The following GRM8 variants were observed in gnomAD, a reference collection of about 807,000 sequenced individuals.
GRM8 encodes metabotropic glutamate receptor 8.
In GRM8, 47 loss-of-function variants were observed where a neutral mutation model predicts 87.2. That is an observed-to-expected ratio of 0.54 (90% CI 0.43 to 0.69). The LOEUF (loss-of-function observed/expected upper bound fraction) is 0.69. Among genes scored for constraint, GRM8 ranks in the 30% least tolerant of loss-of-function variants. The pLI is 0.00. For synonymous variants in GRM8, 396 were observed against 404.5 expected (o/e 0.98, Z 0.25); for missense variants, 1,019 against 1,139.2 (o/e 0.89, Z 1.52).
At chr7:126,814,141 G>A (rs1793549940) in intron 6 of GRM8, among the ~76,000 whole-genome samples, 1 of 151,920 alleles carries the variant, frequency 6.6e-6, no homozygotes, top group Non-Finnish European at 1.5e-5. Flanking sequence ...TACAGTATTA[G>A]ACTACCCTGC....
At chr7:127,075,088 T>A (rs11563500) in intron 3 of GRM8, among the ~76,000 whole-genome samples, 36,216 of 152,196 alleles carry the variant, frequency 0.24, 5,568 homozygotes, top group Non-Finnish European at 0.35. Flanking sequence ...TCATTTTGTA[T>A]AAAGGCTTAT....
intron 7 of GRM8, among the ~76,000 whole-genome samples, chr7:126,768,503 A>G (rs1038886566): frequency 2.0e-5 from 3 of 151,948 alleles, no homozygotes; most frequent in Non-Finnish European, 4.4e-5. Context: ...TAATAATTAT[A>G]ATAATTGAAG....
chr7:126,916,424 C>A (rs759650492), intron 3 of GRM8, among the ~76,000 whole-genome samples: 2 of 152,088 alleles, frequency 1.3e-5, no homozygotes, highest in Admixed American at 6.6e-5. Context: ...GTTTTAAAAC[C>A]ACCATCATTC....
At chr7:127,236,599 A>G (rs1294663154) in intron 2 of GRM8, among the ~76,000 whole-genome samples, 2 of 152,054 alleles carry the variant, frequency 1.3e-5, no homozygotes, top group Non-Finnish European at 2.9e-5. Flanking sequence ...TGATTCAATT[A>G]CCTCCACCTG....
intron 6 of GRM8, among the ~76,000 whole-genome samples, chr7:126,829,863 C>T (rs537768054): frequency 1.3e-5 from 2 of 152,150 alleles, no homozygotes; most frequent in Admixed American, 6.6e-5. Context: ...TCCATGTTTA[C>T]TGCTTCCTTC....
chr7:126,519,112 G>C (rs554144981), intron 9 of GRM8, among the ~76,000 whole-genome samples: 1 of 152,104 alleles, frequency 6.6e-6, no homozygotes, highest in East Asian at 1.9e-4. Context: ...AAAGCACTTG[G>C]ATTGTGGGGC....
At chr7:126,536,374 T>C (rs1222935305) in intron 8 of GRM8, among the ~76,000 whole-genome samples, 6 of 152,206 alleles carry the variant, frequency 3.9e-5, no homozygotes, top group African/African-American at 1.4e-4. Flanking sequence ...TTTAGAGGGC[T>C]GTCGAATCTC....
intron 6 of GRM8, chr7:126,868,992 T>C (rs535164001): frequency 2.0e-5 from 3 of 152,346 alleles, no homozygotes; most frequent in Non-Finnish European, 2.9e-5. Context: ...GAAAAACTTT[T>C]CAAAATTGGA....
At chr7:127,251,717 CGGGGCCGCCCGAAACT>C (rs1798882844) in intron 1 of GRM8, among the ~76,000 whole-genome samples, 1 of 151,368 alleles carries the variant, frequency 6.6e-6, no homozygotes, top group Non-Finnish European at 1.5e-5. Context: ...ACGCCCCGCG[CGGGGCCGCCCGAAACT>C]GGGGCCGCGC....
At chr7:127,025,256 G>A (rs917485437) in intron 3 of GRM8, among the ~76,000 whole-genome samples, 1 of 152,126 alleles carries the variant, frequency 6.6e-6, no homozygotes, top group Non-Finnish European at 1.5e-5. Context: ...AGAGTGGAGT[G>A]AAATCCCCTC....
rs1554451813 is a variant in GRM8, at chr7:126,685,992, C to T, written c.1358-76494G>A. Among the ~76,000 whole-genome samples the T allele has an allele frequency of 6.6e-6, 1 of 151,676 alleles. No homozygotes were observed. The highest frequency in any genetic ancestry group is 1.5e-5 in the Non-Finnish European group (1 of 67,950). ...CTCCCCTCTGAGGCCCATAAAAACC[C>T]CCAGACTCAGCCAGACTCAAGCAGA... On this transcript the variant is annotated intron_variant, in intron 7 of 10. Transcript: ENST00000339582. This position sits in a 1 kb window ranked among gnomAD's most constrained non-coding sequence, Gnocchi z 4.2.
chr7:126,757,048 T>G (rs1817088145), intron 7 of GRM8, among the ~76,000 whole-genome samples: 2 of 152,146 alleles, frequency 1.3e-5, no homozygotes, highest in Non-Finnish European at 2.9e-5. Context: ...TTTCATAAAA[T>G]AATTTCTTCA....
At chr7:126,652,046 A>C (rs1030295937) in intron 7 of GRM8, among the ~76,000 whole-genome samples, 6 of 152,252 alleles carry the variant, frequency 3.9e-5, no homozygotes, top group African/African-American at 1.4e-4. Context: ...CAGTTGCAGA[A>C]ACGAGGACTG....
chr7:126,709,838 A>T (rs1004846125), intron 7 of GRM8, among the ~76,000 whole-genome samples: 1 of 152,206 alleles, frequency 6.6e-6, no homozygotes, highest in Non-Finnish European at 1.5e-5. Flanking sequence ...TTATTCAAAC[A>T]TTAAAAAAAG....
At chr7:126,862,502 AT>A (rs889432268) in intron 6 of GRM8, among the ~76,000 whole-genome samples, 2 of 151,928 alleles carry the variant, frequency 1.3e-5, no homozygotes, top group Admixed American at 1.3e-4. Context: ...TCATGCAACC[AT>A]TTTGTTCTTT....
chr7:126,900,668 C>T (rs1801990979), intron 6 of GRM8, among the ~76,000 whole-genome samples: 2 of 152,002 alleles, frequency 1.3e-5, no homozygotes, highest in African/African-American at 2.4e-5. Flanking sequence ...CGCCACACGC[C>T]GGGCTAATTT....
intron 3 of GRM8, among the ~76,000 whole-genome samples, chr7:126,978,948 C>G (rs377506582): frequency 1.3e-5 from 2 of 152,114 alleles, no homozygotes; most frequent in South Asian, 2.1e-4. Flanking sequence ...CTATACTGGC[C>G]GACTTTGGGA....
At chr7:126,895,107 A>C (rs1195879487) in intron 6 of GRM8, among the ~76,000 whole-genome samples, 3 of 152,056 alleles carry the variant, frequency 2.0e-5, no homozygotes, top group Non-Finnish European at 4.4e-5. Flanking sequence ...AAATTTACTA[A>C]TGAGAAAAAC....
chr7:126,463,086 G>T (rs1286817657), intron 9 of GRM8, among the ~76,000 whole-genome samples: 1 of 149,752 alleles, frequency 6.7e-6, no homozygotes, highest in Non-Finnish European at 1.5e-5. Context: ...TGTCATAAAA[G>T]TGTTTTACAG....
Sources: allele counts gnomAD v4.1 joint callset (sites outside exome capture counted in the v4.1 genomes callset), GRCh38; gene constraint gnomAD v4.1.1; non-coding constraint Gnocchi (gnomAD v3.1); transcripts MANE v1.5; gene names NCBI Gene and HGNC (gene_info 2026-07-23, HGNC 2026-07-21).